The following LIN28B variants were observed in gnomAD, a reference collection of about 807,000 sequenced individuals.
LIN28B encodes the protein protein lin-28 homolog B.
LIN28B carries 5 observed loss-of-function variants against 21.9 expected under a neutral mutation model. The ratio of observed to expected loss-of-function variants is 0.23; its 90% CI spans 0.12 to 0.48. The LOEUF is 0.48. Ranked by LOEUF, LIN28B falls within the 20% of genes least tolerant of loss-of-function variation. LIN28B has a pLI of 0.98. For synonymous variants in LIN28B, 109 were observed against 111.3 expected (o/e 0.98, Z 0.13); for missense variants, 245 against 310.5 (o/e 0.79, Z 1.58).
In LIN28B at chr6:105,080,247, G is replaced by A. The variant is rs1244685956; in HGVS notation, c.*1464G>A. 6.6e-6 allele frequency: 1 copy of A among 152,518 alleles called. No individual in the cohort carries two copies. Among genetic ancestry groups the A allele is most frequent in the Non-Finnish European group, 1.5e-5 (1 of 68,020 alleles). 9.4% of individuals were successfully genotyped at this position (152,518 alleles called of 1,614,324 possible). A position where few individuals can be genotyped will look rare whatever the true frequency, so the allele number is the denominator to read the frequency against. On this transcript the variant is annotated 3_prime_UTR_variant, in exon 4 of 4. Transcript: ENST00000345080. ...GGTCATCCTGGCTCTAGATGTTATG[G>A]GCAAATTTCTGAAACATCTGCAAGA... is the stretch of plus-strand genomic sequence containing the variant.
chr6:105,058,808 C>G (rs1408566264), intron 3 of LIN28B, among the ~76,000 whole-genome samples: 2 of 152,062 alleles, frequency 1.3e-5, no homozygotes, highest in Non-Finnish European at 2.9e-5. Context: ...AAAATTTGCA[C>G]TTTTGCTCCT....
rs114269852 is a variant in LIN28B at position 105,025,608 on chromosome 6, T to C, written c.199-690T>C. On this transcript the variant is annotated intron_variant, in intron 2 of 3. Coordinates refer to ENST00000345080, the MANE Select transcript of LIN28B (RefSeq NM_001004317.4). The stretch of plus-strand genomic sequence containing the variant: ...TCTGTTGTTTCAGACCACATCTCTA[T>C]ATAATAAACATATATCTTTTAAAAA... 6.9e-3 allele frequency among the ~76,000 whole-genome samples: 1,057 copies of C among 152,274 alleles called. 10 individuals are homozygous for C. Among genetic ancestry groups the C allele is most frequent in the African/African-American group, 0.024 (978 of 41,550 alleles).
At chr6:104,937,614 T>C (rs1036382507) in intron 2 of LIN28B, among the ~76,000 whole-genome samples, 3 of 152,194 alleles carry the variant, frequency 2.0e-5, no homozygotes, top group African/African-American at 7.2e-5. Flanking sequence ...TATAAAAGCC[T>C]AGTTTTTCAA....
chr6:105,070,100 T>A (rs1772302357), intron 3 of LIN28B, among the ~76,000 whole-genome samples: 1 of 152,144 alleles, frequency 6.6e-6, no homozygotes, highest in African/African-American at 2.4e-5. Flanking sequence ...TGGGAAATAT[T>A]GTCAGTGCGA....
chr6:105,022,526 C>T (rs1228958376), intron 2 of LIN28B, among the ~76,000 whole-genome samples: 1 of 152,134 alleles, frequency 6.6e-6, no homozygotes, highest in African/African-American at 2.4e-5. Flanking sequence ...GTCTGTCTGT[C>T]TAGATTTTTC....
At position 104,962,650 on chromosome 6, in the gene LIN28B, T is replaced by G. The variant is rs539926208; in HGVS notation, c.198+4364T>G. On this transcript the variant is annotated intron_variant, in intron 2 of 3. Transcript: ENST00000345080. Reference sequence around the variant, plus strand: ...AATCAATTGATCTAATATAGAGTTCTTATGTATTTAATTAATTATACAATG... The same window carrying G: ...AATCAATTGATCTAATATAGAGTTCGTATGTATTTAATTAATTATACAATG... Among the ~76,000 whole-genome samples the G allele has an allele frequency of 9.2e-5, 14 of 152,332 alleles. No individual in the cohort carries two copies. The South Asian group carries it at 2.1e-3, about 23-fold the overall frequency.
At chr6:104,959,700 A>C (rs1022901898) in intron 2 of LIN28B, among the ~76,000 whole-genome samples, 3 of 152,232 alleles carry the variant, frequency 2.0e-5, no homozygotes, top group African/African-American at 7.2e-5. Flanking sequence ...ATAGTGCAAA[A>C]TGAAGCTACA....
chr6:104,980,570 C>T (rs1218315090), intron 2 of LIN28B, among the ~76,000 whole-genome samples: 1 of 152,122 alleles, frequency 6.6e-6, no homozygotes, highest in African/African-American at 2.4e-5. Flanking sequence ...GGCAAATGTA[C>T]TTCAGGGTCT....
chr6:104,949,050 T>TA, intron 2 of LIN28B, among the ~76,000 whole-genome samples: 1 of 152,190 alleles, frequency 6.6e-6, no homozygotes, highest in Admixed American at 6.5e-5. Flanking sequence ...TTTTTTTTTT[T>TA]AACAAACCCT....
At chr6:104,969,217 C>T (rs979051399) in intron 2 of LIN28B, among the ~76,000 whole-genome samples, 3 of 152,074 alleles carry the variant, frequency 2.0e-5, no homozygotes, top group Admixed American at 6.6e-5. Context: ...TAAAAATTTT[C>T]GTTGAATACT....
At chr6:105,033,344 T>A (rs1346740670) in intron 3 of LIN28B, among the ~76,000 whole-genome samples, 3 of 152,136 alleles carry the variant, frequency 2.0e-5, no homozygotes, top group Non-Finnish European at 2.9e-5. Flanking sequence ...TTTGTTCAAT[T>A]CTAATGTTTG....
chr6:104,981,883 A>C (rs1770233284), intron 2 of LIN28B, among the ~76,000 whole-genome samples: 1 of 152,222 alleles, frequency 6.6e-6, no homozygotes, highest in Admixed American at 6.5e-5. Flanking sequence ...TTGAGCAGCC[A>C]AGTTAGCCTA....
At chr6:105,066,797 T>C (rs1419187513) in intron 3 of LIN28B, among the ~76,000 whole-genome samples, 1 of 152,014 alleles carries the variant, frequency 6.6e-6, no homozygotes, top group Non-Finnish European at 1.5e-5. Context: ...AATGTCCTAA[T>C]AGTAAGACAT....
intron 2 of LIN28B, among the ~76,000 whole-genome samples, chr6:105,023,192 C>T (rs1414532209): frequency 1.1e-5 from 1 of 93,952 alleles, no homozygotes; most frequent in Non-Finnish European, 2.0e-5. Context: ...TCTTGCAAAG[C>T]CATTATAGTT....
chr6:105,013,485 C>G (rs745901414), intron 2 of LIN28B, among the ~76,000 whole-genome samples: 2 of 151,824 alleles, frequency 1.3e-5, no homozygotes, highest in African/African-American at 4.8e-5. Context: ...TACCTATAAT[C>G]CCAGCACTTT....
chr6:104,964,757 C>A (rs1465905977), intron 2 of LIN28B, among the ~76,000 whole-genome samples: 1 of 152,086 alleles, frequency 6.6e-6, no homozygotes, highest in Non-Finnish European at 1.5e-5. Flanking sequence ...ATGAAAGTAC[C>A]ATGTTGCATT....
chr6:105,039,143 A>T (rs527301025), intron 3 of LIN28B, among the ~76,000 whole-genome samples: 1 of 152,290 alleles, frequency 6.6e-6, no homozygotes, highest in Non-Finnish European at 1.5e-5. Context: ...ATAGAATAAA[A>T]ATCATCAGAG....
rs114486013 is a variant in LIN28B at position 105,019,647 on chromosome 6, A to G, written c.199-6651A>G. On this transcript the variant is annotated intron_variant, in intron 2 of 3. Coordinates refer to ENST00000345080, the MANE Select transcript of LIN28B (RefSeq NM_001004317.4). ...AAGCAGAGTTTCTCAGGGTTCTATT[A>G]GGAATCTTGGTTCCTACTTCTGCTG... Among the ~76,000 whole-genome samples the G allele has an allele frequency of 4.9e-3, 752 of 152,298 alleles. 5 individuals are homozygous for G. Among genetic ancestry groups the G allele is most frequent in the African/African-American group, 0.017 (722 of 41,544 alleles).
chr6:105,007,142 T>A (rs552425646), intron 2 of LIN28B, among the ~76,000 whole-genome samples: 1 of 152,328 alleles, frequency 6.6e-6, no homozygotes, highest in South Asian at 2.1e-4. Flanking sequence ...CCTAACAACT[T>A]GTTAAAAATT....
Sources: gnomAD v4.1 joint callset for allele counts (sites outside exome capture counted in the v4.1 genomes callset) on GRCh38, gnomAD v4.1.1 for gene constraint, MANE v1.5 for transcripts, NCBI Gene and HGNC (gene_info 2026-07-23, HGNC 2026-07-21) for gene names.